The following MYH9 variants were observed in gnomAD, a reference collection of about 807,000 sequenced individuals.
The protein encoded by MYH9 is myosin-9.
A neutral mutation model predicts 241.9 loss-of-function variants in MYH9; 29 were observed. The observed-to-expected ratio is 0.12, with a 90% CI of 0.09 to 0.16. The LOEUF (loss-of-function observed/expected upper bound fraction) is 0.16. MYH9 is among the 10% of genes least tolerant of loss of function. The probability of loss-of-function intolerance (pLI) is 1.00; values close to 1 mark genes in which losing one functional copy is unlikely to be tolerated. For synonymous variants in MYH9, 1,047 were observed against 1,062.6 expected (o/e 0.99, Z 0.29); for missense variants, 1,803 against 2,595.5 (o/e 0.69, Z 6.63).
intron 14 of MYH9, 27 bp from the exon 15 acceptor site, chr22:36,309,423 A>T: frequency 6.4e-7 from 1 of 1,559,136 alleles, no homozygotes; most frequent in Admixed American, 1.7e-5. Flanking sequence ...GGCAGGAGTC[A>T]CAAGCTGCGC....
chr22:36,322,400 C>G (rs2017268172), intron 6 of MYH9, 29 bp downstream of exon 6: 1 of 1,611,934 alleles, frequency 6.2e-7, no homozygotes, highest in Non-Finnish European at 8.5e-7. Flanking sequence ...CCTCTGTCCC[C>G]AGAGCCGGGG....
chr22:36,387,761 C>CCCG (rs1198685240), intron 1 of MYH9, 46 bp downstream of exon 1: 1 of 152,032 alleles, frequency 6.6e-6, no homozygotes, highest in East Asian at 1.9e-4. Flanking sequence ...CCCCCGCCCG[C>CCCG]CCGCCGCCGC....
At position 36,282,760 on chromosome 22, in the gene MYH9, G is replaced by T. The variant is rs1241143684; in HGVS notation, c.5791C>A (p.Pro1931Thr). Residue 1931 changes from proline to threonine, a missense_variant, in exon 41 of 41, where the codon CCC (proline) becomes ACC (threonine). Coordinates refer to ENST00000216181, the MANE Select transcript of MYH9 (RefSeq NM_002473.6). ...LRRGDLPFVV[P>T]RRMARKGAGD... ...GCGCCTTTCCGGGCCATTCGGCGGG[G>T]CACGACAAACGGCAGGTCCCCGCGC... is the stretch of plus-strand genomic sequence containing the variant. The T allele has an allele frequency of 1.9e-6, 3 of 1,612,700 alleles. No individual in the cohort carries two copies. Among genetic ancestry groups the T allele is most frequent in the African/African-American group, 1.3e-5 (1 of 74,878 alleles).
chr22:36,295,419 TG>T lies in MYH9; in HGVS notation c.3485+85del. 1.1e-5 allele frequency: 12 copies of T among 1,046,696 alleles called. No individual in the cohort carries two copies. Among genetic ancestry groups the T allele is most frequent in the Non-Finnish European group, 1.7e-5 (12 of 688,832 alleles). 64.8% of individuals were successfully genotyped at this position (1,046,696 alleles called of 1,614,324 possible). On this transcript the variant is annotated intron_variant, in intron 26 of 40. Coordinates refer to ENST00000216181, the MANE Select transcript of MYH9 (RefSeq NM_002473.6). This position sits in a 1 kb window ranked among gnomAD's most constrained non-coding sequence, Gnocchi z 4.1. ...GGGCCACGGTGTGTGTGTGTGTGTG[TG>T]TGCAGAGGCCCGGGGTCCATGTCTC...
At position 36,306,942 on chromosome 22, in the gene MYH9, G is replaced by A. The variant is rs1001665125; in HGVS notation, c.1844-335C>T. 6.6e-6 allele frequency among the ~76,000 whole-genome samples: 1 copy of A among 152,118 alleles called. No homozygotes were observed. The highest frequency in any genetic ancestry group is 1.9e-4 in the East Asian group (1 of 5,196). The stretch of plus-strand genomic sequence containing the variant: ...AGCTAGTCATGTATTTTGGAATAGT[G>A]AGAATTCTACTAGCCTGGCTCTAAC... On this transcript the variant is annotated intron_variant, in intron 15 of 40. Coordinates refer to ENST00000216181, the MANE Select transcript of MYH9 (RefSeq NM_002473.6). This position sits in a 1 kb window ranked among gnomAD's most constrained non-coding sequence, Gnocchi z 4.1.
rs377348805 is a variant in MYH9 at position 36,349,044 on chromosome 22, C to T, written c.193G>A (p.Val65Met). 208 of 1,614,124 alleles carry T rather than the reference C, an allele frequency of 1.3e-4. No homozygotes were observed. Among genetic ancestry groups the T allele is most frequent in the Non-Finnish European group, 1.7e-4 (202 of 1,180,056 alleles). ...TGGATGTCATCCTTGTTCACCTTCA[C>T]CTTCTTCCCATTCTCCACCAGCTCC... ...IVELVENGKKVKVNKDDIQKM... is the reference protein window; with the variant it reads ...IVELVENGKKMKVNKDDIQKM... Residue 65 changes from valine (V) to methionine (M), a missense_variant, in exon 2 of 41, where the codon GTG (valine) becomes ATG (methionine). This residue lies in a region of MYH9 where 75 missense variants were observed against 79.1 expected (regional missense o/e 0.95). Coordinates refer to ENST00000216181, the MANE Select transcript of MYH9 (RefSeq NM_002473.6).
At chr22:36,316,889 A>C (rs1164278412) in intron 11 of MYH9, among the ~76,000 whole-genome samples, 1 of 152,226 alleles carries the variant, frequency 6.6e-6, no homozygotes, top group Non-Finnish European at 1.5e-5. Context: ...ATATGGGGAC[A>C]ATAAACTTAG....
intron 23 of MYH9, 127 bp downstream of exon 23, chr22:36,300,000 G>A: frequency 7.4e-7 from 1 of 1,354,234 alleles, no homozygotes; most frequent in Non-Finnish European, 1.0e-6. Context: ...TTAAGCAGAA[G>A]CCCTCATGCT....
At chr22:36,316,787 T>C in intron 11 of MYH9, 118 bp from the exon 12 acceptor site, 1 of 1,202,176 alleles carries the variant, frequency 8.3e-7, no homozygotes, top group South Asian at 1.4e-5. Context: ...GCCCTAAGTA[T>C]GTGGGGGAAA....
intron 2 of MYH9, among the ~76,000 whole-genome samples, chr22:36,344,524 G>T (rs553893404): frequency 1.3e-5 from 2 of 152,350 alleles, no homozygotes; most frequent in East Asian, 1.9e-4. Flanking sequence ...CTCTGCATCT[G>T]CTGGGGTCTC....
At position 36,302,729 on chromosome 22, in the gene MYH9, T is replaced by C. The variant is rs1603483095; in HGVS notation, c.2391-53A>G. Reference sequence around the variant, plus strand: ...GGAGCAGTGGACAGCAGACCCGACCTAACAGTCCTGGTCTTGTCCTCAAGC... The same window carrying C: ...GGAGCAGTGGACAGCAGACCCGACCCAACAGTCCTGGTCTTGTCCTCAAGC... On this transcript the variant is annotated intron_variant, in intron 19 of 40. Transcript: ENST00000216181. The C allele has an allele frequency of 2.7e-6, 4 of 1,495,130 alleles. No individual in the cohort carries two copies. In the East Asian group the frequency reaches 9.1e-5, roughly 34 times the overall value. The allele number at this position is 1,495,130 out of a possible 1,614,324, so 92.6% of individuals were successfully genotyped here. A position where few individuals can be genotyped will look rare whatever the true frequency, so the allele number is the denominator to read the frequency against.
chr22:36,290,822 G>A (rs2016680725), intron 31 of MYH9, among the ~76,000 whole-genome samples: 1 of 151,326 alleles, frequency 6.6e-6, no homozygotes, highest in African/African-American at 2.4e-5. Flanking sequence ...TGTGAGGAGT[G>A]CCTCTGCCCA....
At position 36,295,046 on chromosome 22, in the gene MYH9, C is replaced by G; in HGVS notation, c.3516G>C (p.Leu1172=). 3 of 1,614,208 alleles carry G rather than the reference C, an allele frequency of 1.9e-6. No individual in the cohort carries two copies. In the South Asian group the frequency reaches 3.3e-5, roughly 18 times the overall value. ...TGGCCTCCTCCTCCAGGGTCTTCTTCAGGATGTTCACCTCCTGCTCACGTT... is the reference window on the plus strand; with the variant it reads ...TGGCCTCCTCCTCCAGGGTCTTCTTGAGGATGTTCACCTCCTGCTCACGTT... ...RSKREQEVNI[L]KKTLEEEAKT... is the part of the protein sequence containing the mutation. Residue 1172 remains leucine, a synonymous_variant, in exon 27 of 41, where the codon CTG becomes CTC. Transcript: ENST00000216181. This position sits in a 1 kb window ranked among gnomAD's most constrained non-coding sequence, Gnocchi z 4.1.
chr22:36,329,516 C>T lies in MYH9; in HGVS notation c.491-2028G>A, dbSNP rs1482280025. ...TGCGTCTCCCTGTGGTCTGCCCCAG[C>T]TGTGGGCATGTTTAGTCACCGGCTC... On this transcript the variant is annotated intron_variant, in intron 3 of 40. Transcript: ENST00000216181. The surrounding 1 kb of genome is among the most constrained non-coding windows in gnomAD (Gnocchi z 4.1). Among the ~76,000 whole-genome samples, 1 of 152,208 alleles carries T rather than the reference C, an allele frequency of 6.6e-6. No homozygotes were observed. The highest frequency in any genetic ancestry group is 1.5e-5 in the Non-Finnish European group (1 of 68,024).
At chr22:36,338,623 GC>G (rs1431133401) in intron 3 of MYH9, among the ~76,000 whole-genome samples, 1 of 151,836 alleles carries the variant, frequency 6.6e-6, no homozygotes, top group Admixed American at 6.6e-5. Flanking sequence ...TTCAAGACCA[GC>G]CTGACCAACA....
In MYH9 at chr22:36,282,786, C is replaced by CTGGGGGCAGAGG. The variant is rs1603482655; in HGVS notation, c.5766-13_5766-2dup. On this transcript the variant is annotated splice_acceptor_variant, in intron 40 of 40. Coordinates refer to ENST00000216181, the MANE Select transcript of MYH9 (RefSeq NM_002473.6). LOFTEE classifies it high-confidence loss of function. ...CACGACAAACGGCAGGTCCCCGCGC[C>CTGGGGGCAGAGG]TGGGGGCAGAGGTAGAAGCAGAGGG... 6.2e-7 allele frequency: 1 copy of CTGGGGGCAGAGG among 1,608,498 alleles called. No homozygotes were observed. Among genetic ancestry groups the CTGGGGGCAGAGG allele is most frequent in the Non-Finnish European group, 8.5e-7 (1 of 1,179,362 alleles).
chr22:36,334,273 G>C (rs1293334256), intron 3 of MYH9, among the ~76,000 whole-genome samples: 2 of 152,198 alleles, frequency 1.3e-5, no homozygotes, highest in Non-Finnish European at 2.9e-5. Flanking sequence ...CAGCCAGCTC[G>C]CATCAGCTCG....
intron 1 of MYH9, among the ~76,000 whole-genome samples, chr22:36,353,797 G>A (rs1691963456): frequency 6.6e-6 from 1 of 152,324 alleles, no homozygotes; most frequent in South Asian, 2.1e-4. Flanking sequence ...TTCTGGACCT[G>A]GCTCATGGAA....
In MYH9 at chr22:36,284,098, C is replaced by T. The variant is rs748117987; in HGVS notation, c.5760G>A (p.Lys1920=). The T allele has an allele frequency of 1.9e-6, 3 of 1,614,198 alleles. No individual in the cohort carries two copies. The highest frequency in any genetic ancestry group is 3.3e-5 in the Admixed American group (2 of 60,036). Residue 1920 remains lysine, a synonymous_variant, in exon 40 of 41, where the codon AAG becomes AAA. Transcript: ENST00000216181. ...GGGTGGGCAGGGCGGCTCACCTGAGCTTGTTCTTTAGGGAGCTGACTTCGC... is the reference window on the plus strand; with the variant it reads ...GGGTGGGCAGGGCGGCTCACCTGAGTTTGTTCTTTAGGGAGCTGACTTCGC... The part of the protein sequence containing the change: ...MNREVSSLKN[K]LRRGDLPFVV...
Sources: gnomAD v4.1 joint callset for allele counts (sites outside exome capture counted in the v4.1 genomes callset) on GRCh38, gnomAD v4.1.1 for gene constraint, gnomAD v4.1.1 regional missense constraint, Gnocchi (gnomAD v3.1) non-coding constraint, MANE v1.5 for transcripts, NCBI Gene and HGNC (gene_info 2026-07-23, HGNC 2026-07-21) for gene names.